The following FOXJ3 variants were observed in gnomAD, a reference collection of about 807,000 sequenced individuals.
FOXJ3 encodes forkhead box protein J3.
Under a neutral mutation model 76.1 loss-of-function variants are expected in FOXJ3, and 22 were observed. That is an observed-to-expected ratio of 0.29 (90% CI 0.21 to 0.41). The LOEUF is 0.41. FOXJ3 is among the 10% of genes least tolerant of loss of function. FOXJ3 has a pLI of 1.00. For synonymous variants in FOXJ3, 269 were observed against 261.2 expected (o/e 1.03, Z -0.29); for missense variants, 613 against 762.1 (o/e 0.80, Z 2.30).
At chr1:42,207,280 C>T (rs190916766) in intron 5 of FOXJ3, among the ~76,000 whole-genome samples, 18 of 152,232 alleles carry the variant, frequency 1.2e-4, no homozygotes, top group Non-Finnish European at 2.1e-4. Context: ...AGTGAGAATA[C>T]GCAATATTTG....
intron 2 of FOXJ3, among the ~76,000 whole-genome samples, chr1:42,291,197 G>A (rs1025445464): frequency 2.0e-5 from 3 of 152,152 alleles, no homozygotes; most frequent in Non-Finnish European, 4.4e-5. Flanking sequence ...ACAATTGTCT[G>A]CATGGGAGAA....
At chr1:42,335,416 C>T (rs897674932), upstream of FOXJ3, 1 of 152,320 alleles carries the variant, frequency 6.6e-6, no homozygotes, top group Non-Finnish European at 1.5e-5. Flanking sequence ...TCGGCGCAGC[C>T]GGTGTCATCT....
chr1:42,285,426 G>T (rs1267510954), intron 2 of FOXJ3, among the ~76,000 whole-genome samples: 1 of 151,804 alleles, frequency 6.6e-6, no homozygotes, highest in Non-Finnish European at 1.5e-5. Context: ...AAAAAAAAGT[G>T]TCTGGGCAGG....
At chr1:42,271,307 A>T (rs1055913741) in intron 3 of FOXJ3, among the ~76,000 whole-genome samples, 1 of 147,984 alleles carries the variant, frequency 6.8e-6, no homozygotes, top group Non-Finnish European at 1.5e-5. Context: ...ATCCCTTTTC[A>T]TTTTTTTTTT....
chr1:42,176,839 A>G lies in FOXJ3; in HGVS notation c.*2871T>C, dbSNP rs562952634. ...TATGTACACATCACCCTCTGAATGA[A>G]CAATATCAAAATACTCTATTCCATT... is the stretch of plus-strand genomic sequence containing the variant. On this transcript the variant is annotated 3_prime_UTR_variant, in exon 13 of 13. Coordinates refer to ENST00000361346, the MANE Select transcript of FOXJ3 (RefSeq NM_014947.5). 3.3e-5 allele frequency: 5 copies of G among 152,782 alleles called. No homozygotes were observed. Among genetic ancestry groups the G allele is most frequent in the South Asian group, 2.1e-4 (1 of 4,820 alleles). The allele number at this position is 152,782 out of a possible 1,614,324, so 9.5% of individuals were successfully genotyped here. A position where few individuals can be genotyped will look rare whatever the true frequency, so the allele number is the denominator to read the frequency against.
intron 6 of FOXJ3, among the ~76,000 whole-genome samples, chr1:42,203,441 T>C (rs1194645016): frequency 6.6e-6 from 1 of 152,214 alleles, no homozygotes; most frequent in African/African-American, 2.4e-5. Context: ...GATAGAATAT[T>C]AGCATACCAC....
intron 5 of FOXJ3, among the ~76,000 whole-genome samples, chr1:42,220,717 G>A (rs1647165658): frequency 6.6e-6 from 1 of 152,130 alleles, no homozygotes; most frequent in South Asian, 2.1e-4. Flanking sequence ...ATGAGATCGA[G>A]CTCTAGGTGC....
intron 5 of FOXJ3, among the ~76,000 whole-genome samples, chr1:42,210,068 C>T (rs576485009): frequency 6.6e-6 from 1 of 152,240 alleles, no homozygotes; most frequent in Non-Finnish European, 1.5e-5. Context: ...TAGCAAAACA[C>T]TGGGTGTGAG....
At chr1:42,225,197 G>A (rs918810167) in intron 5 of FOXJ3, among the ~76,000 whole-genome samples, 10 of 151,928 alleles carry the variant, frequency 6.6e-5, no homozygotes, top group Admixed American at 3.9e-4. Context: ...GTTTACATGT[G>A]GACAAAGGAA....
chr1:42,305,344 C>T (rs1307520326), intron 2 of FOXJ3, among the ~76,000 whole-genome samples: 3 of 151,982 alleles, frequency 2.0e-5, no homozygotes, highest in African/African-American at 7.3e-5. Flanking sequence ...TTTGGAAGTT[C>T]CTCAAAAAAA....
intron 3 of FOXJ3, among the ~76,000 whole-genome samples, chr1:42,275,537 T>A (rs986655628): frequency 6.6e-6 from 1 of 152,070 alleles, no homozygotes; most frequent in Non-Finnish European, 1.5e-5. Context: ...CAGGTGGGCA[T>A]AGCAGCACCC....
chr1:42,306,382 A>C (rs1327826868), intron 2 of FOXJ3, among the ~76,000 whole-genome samples: 2 of 140,238 alleles, frequency 1.4e-5, no homozygotes, highest in Non-Finnish European at 3.0e-5. Flanking sequence ...AGCTCACTGC[A>C]ACCTCCACCT....
At chr1:42,194,552 C>G (rs1416531489) in intron 8 of FOXJ3, among the ~76,000 whole-genome samples, 2 of 152,200 alleles carry the variant, frequency 1.3e-5, no homozygotes, top group Admixed American at 1.3e-4. Flanking sequence ...TGTGGTGCAA[C>G]ATTCACCACT....
chr1:42,324,127 TGTATATACA>T (rs1655647911), intron 1 of FOXJ3, among the ~76,000 whole-genome samples: 1 of 138,580 alleles, frequency 7.2e-6, no homozygotes, highest in South Asian at 2.2e-4. Context: ...ATATACACAG[TGTATATACA>T]GTATATATAC....
intron 2 of FOXJ3, among the ~76,000 whole-genome samples, chr1:42,290,749 C>T (rs1053765047): frequency 4.6e-5 from 7 of 152,094 alleles, no homozygotes; most frequent in African/African-American, 4.8e-5. Flanking sequence ...ACATCACAAT[C>T]TTTACTTGAT....
chr1:42,265,081 A>G lies in FOXJ3; in HGVS notation c.444+34T>C, dbSNP rs1444729201. 5 of 1,263,590 alleles carry G rather than the reference A, an allele frequency of 4.0e-6. No individual in the cohort carries two copies. The African/African-American group carries it at 4.4e-5, about 11-fold the overall frequency. The allele number at this position is 1,263,590 out of a possible 1,614,324, so 78.3% of individuals were successfully genotyped here. On this transcript the variant is annotated intron_variant, in intron 4 of 12. Transcript: ENST00000361346. ...TTCAAACATGACAAGTGACATACTG[A>G]AGAATTCAACTGTTTTAAGAAGATG...
intron 11 of FOXJ3, 53 bp from the exon 12 acceptor site, chr1:42,182,077 A>T: frequency 1.0e-6 from 1 of 962,260 alleles, no homozygotes. Flanking sequence ...AAATAAAACA[A>T]ATGGAGCACT....
At chr1:42,270,521 C>T (rs1651791717) in intron 3 of FOXJ3, among the ~76,000 whole-genome samples, 1 of 152,156 alleles carries the variant, frequency 6.6e-6, no homozygotes, top group Non-Finnish European at 1.5e-5. Context: ...TGTACATACA[C>T]ATAAAACCCA....
chr1:42,324,090 T>TGTATATACACAGTGTATATACA (rs758886964), intron 1 of FOXJ3, among the ~76,000 whole-genome samples: 2,456 of 87,860 alleles, frequency 0.028, 407 homozygotes, highest in Middle Eastern at 0.082. Context: ...GTATATATAC[T>TGTATATACACAGTGTATATACA]GTATATATAC....
Sources: allele counts gnomAD v4.1 joint callset (sites outside exome capture counted in the v4.1 genomes callset), GRCh38; gene constraint gnomAD v4.1.1; transcripts MANE v1.5; gene names NCBI Gene and HGNC (gene_info 2026-07-23, HGNC 2026-07-21).